The following EYS variants were observed in gnomAD, a reference collection of about 807,000 sequenced individuals.
The protein encoded by EYS is EGF-like photoreceptor maintenance factor.
In EYS, 250 loss-of-function variants were observed where a neutral mutation model predicts 282.1. That is an observed-to-expected ratio of 0.89 (90% CI 0.80 to 0.98). The LOEUF (loss-of-function observed/expected upper bound fraction) is 0.98, where lower values mean the gene tolerates loss of function less well. Ranked by LOEUF, EYS falls within the 50% of genes least tolerant of loss-of-function variation. The probability of loss-of-function intolerance (pLI) is 0.00; values close to 1 mark genes in which losing one functional copy is unlikely to be tolerated. For missense variants in EYS, 4,016 were observed against 3,709.0 expected (o/e 1.08, Z -2.15); for synonymous variants, 1,355 against 1,282.9 (o/e 1.06, Z -1.20).
chr6:64,360,479 G>A (rs2150408331), intron 29 of EYS, among the ~76,000 whole-genome samples: 2 of 151,642 alleles, frequency 1.3e-5, no homozygotes, highest in Middle Eastern at 6.8e-3. Context: ...GACCTTCTTG[G>A]TACACTAGAC....
At chr6:64,486,036 T>A (rs548986808) in intron 26 of EYS, among the ~76,000 whole-genome samples, 7 of 151,476 alleles carry the variant, frequency 4.6e-5, no homozygotes, top group Non-Finnish European at 8.9e-5. Context: ...AAAGTATTGT[T>A]TTTCCACTGT....
intron 22 of EYS, among the ~76,000 whole-genome samples, chr6:64,688,875 A>G (rs1027636465): frequency 6.6e-6 from 1 of 152,052 alleles, no homozygotes; most frequent in African/African-American, 2.4e-5. Flanking sequence ...TACTGAATGG[A>G]CAAAAACTGG....
intron 29 of EYS, among the ~76,000 whole-genome samples, chr6:64,387,773 C>A (rs1369649881): frequency 1.3e-5 from 2 of 152,076 alleles, no homozygotes; most frequent in Non-Finnish European, 2.9e-5. Flanking sequence ...GAATCTAAAT[C>A]TCTGCGTGCT....
intron 26 of EYS, among the ~76,000 whole-genome samples, chr6:64,585,952 T>C (rs1390534989): frequency 1.3e-5 from 2 of 152,132 alleles, no homozygotes; most frequent in Admixed American, 1.3e-4. Flanking sequence ...TTATATACTT[T>C]TATGGTTAGT....
At chr6:65,626,321 CACTA>C (rs1766689394) in intron 2 of EYS, among the ~76,000 whole-genome samples, 1 of 152,166 alleles carries the variant, frequency 6.6e-6, no homozygotes, top group Non-Finnish European at 1.5e-5. Flanking sequence ...AAAACAGAGC[CACTA>C]CCTAGAGTTT....
chr6:64,680,524 A>G (rs1312522394), intron 22 of EYS, among the ~76,000 whole-genome samples: 1 of 152,090 alleles, frequency 6.6e-6, no homozygotes, highest in African/African-American at 2.4e-5. Context: ...TCTCTTCTCA[A>G]CTCCCAATCA....
intron 26 of EYS, among the ~76,000 whole-genome samples, chr6:64,472,692 TAGAG>T (rs1211149400): frequency 9.2e-5 from 14 of 152,268 alleles, no homozygotes; most frequent in South Asian, 6.2e-4. Context: ...ACATCAAAGA[TAGAG>T]AGAAAGTATT....
intron 11 of EYS, among the ~76,000 whole-genome samples, chr6:65,316,459 T>TC (rs1336213132): frequency 2.3e-3 from 7 of 3,088 alleles, no homozygotes. Flanking sequence ...AAGGGTCATT[T>TC]CTTTTTTAAT....
At chr6:63,944,962 A>G (rs1344515131) in intron 35 of EYS, among the ~76,000 whole-genome samples, 1 of 152,132 alleles carries the variant, frequency 6.6e-6, no homozygotes, top group Admixed American at 6.6e-5. Flanking sequence ...AGAATAAAAG[A>G]AGTATATTTA....
intron 22 of EYS, among the ~76,000 whole-genome samples, chr6:64,787,320 G>C (rs1414930174): frequency 6.6e-6 from 1 of 152,106 alleles, no homozygotes; most frequent in Non-Finnish European, 1.5e-5. Flanking sequence ...ATACATGATT[G>C]ATTGTTTGGG....
At chr6:65,206,972 G>A (rs1055898913) in intron 12 of EYS, among the ~76,000 whole-genome samples, 2 of 151,912 alleles carry the variant, frequency 1.3e-5, no homozygotes, top group Admixed American at 6.6e-5. Flanking sequence ...ACCAAGAAAA[G>A]GATGTTCCCT....
intron 12 of EYS, among the ~76,000 whole-genome samples, chr6:65,208,545 T>G (rs1766093247): frequency 2.6e-5 from 4 of 151,888 alleles, no homozygotes; most frequent in African/African-American, 9.7e-5. Context: ...AGTCACGGAA[T>G]CAAGCTATGT....
chr6:64,378,761 A>G (rs1023956786), intron 29 of EYS, among the ~76,000 whole-genome samples: 10 of 152,172 alleles, frequency 6.6e-5, no homozygotes, highest in Non-Finnish European at 2.9e-5. Flanking sequence ...CAGACCTACA[A>G]TTCTTAATCC....
intron 41 of EYS, among the ~76,000 whole-genome samples, chr6:63,759,889 T>C (rs1290059341): frequency 6.6e-6 from 1 of 152,042 alleles, no homozygotes; most frequent in Non-Finnish European, 1.5e-5. Flanking sequence ...GCTTGAAGAA[T>C]TGAACATCTC....
At chr6:63,922,427 G>A (rs1764598720) in intron 35 of EYS, among the ~76,000 whole-genome samples, 1 of 152,120 alleles carries the variant, frequency 6.6e-6, no homozygotes, top group Non-Finnish European at 1.5e-5. Context: ...GCTGGGCATG[G>A]TGGCAGGTGC....
chr6:63,727,853 G>A (rs1768679700), intron 41 of EYS, among the ~76,000 whole-genome samples: 1 of 145,034 alleles, frequency 6.9e-6, no homozygotes, highest in Non-Finnish European at 1.5e-5. Flanking sequence ...GGTGGAGGTG[G>A]GGGTGGAGGT....
chr6:64,337,830 C>T (rs1770911895), intron 29 of EYS, among the ~76,000 whole-genome samples: 1 of 151,990 alleles, frequency 6.6e-6, no homozygotes. Context: ...TTAACATACA[C>T]AAGTCAATAA....
intron 30 of EYS, among the ~76,000 whole-genome samples, chr6:64,261,750 C>T (rs535033591): frequency 2.4e-4 from 36 of 151,046 alleles, no homozygotes; most frequent in Non-Finnish European, 4.4e-4. Context: ...CTTATTGGGC[C>T]TACTAATGGG....
At chr6:63,856,545 C>A (rs536962636) in intron 36 of EYS, among the ~76,000 whole-genome samples, 42 of 152,132 alleles carry the variant, frequency 2.8e-4, no homozygotes, top group African/African-American at 9.6e-4. Flanking sequence ...TAAAAGTGGA[C>A]AATAACAGAT....
Sources: allele counts gnomAD v4.1 joint callset (sites outside exome capture counted in the v4.1 genomes callset), GRCh38; gene constraint gnomAD v4.1.1; transcripts MANE v1.5; gene names NCBI Gene and HGNC (gene_info 2026-07-23, HGNC 2026-07-21).